N4BP1: variants seen among roughly 807,000 people sequenced by gnomAD.
N4BP1 encodes NEDD4-binding protein 1.
In N4BP1, 21 loss-of-function variants were observed where a neutral mutation model predicts 70.9. The ratio of observed to expected loss-of-function variants is 0.30; its 90% confidence interval spans 0.21 to 0.43. The LOEUF (loss-of-function observed/expected upper bound fraction) is 0.43. Among genes scored for constraint, N4BP1 ranks in the 20% least tolerant of loss-of-function variants. The probability of loss-of-function intolerance (pLI) is 1.00; values close to 1 mark genes in which losing one functional copy is unlikely to be tolerated. For synonymous variants in N4BP1, 387 were observed against 394.6 expected (o/e 0.98, Z 0.23); for missense variants, 936 against 1,069.4 (o/e 0.88, Z 1.74).
rs1421106117 is a variant in N4BP1 at position 48,561,330 on chromosome 16, A to G, written c.1313T>C (p.Met438Thr). 12 of 1,613,676 alleles carry G rather than the reference A, an allele frequency of 7.4e-6. No homozygotes were observed. Among genetic ancestry groups the G allele is most frequent in the African/African-American group, 1.3e-5 (1 of 74,916 alleles). The change falls in exon 2 of 7, where the codon ATG becomes ACG. Residue 438 changes from methionine (M) to threonine (T), a missense_variant. By Grantham distance (81) the Met-to-Thr change is moderately conservative. Around this residue, in one of 4 missense-constraint regions of N4BP1, gnomAD observed 515 missense variants for 491.7 expected, o/e 1.05. Transcript: ENST00000262384. ...TGGTAACTGAGAAAATTTTTCTACC[A>G]TATTTTGCTGTGTGTGAGCCTGTGT... is the stretch of plus-strand genomic sequence containing the variant. ...KKTQAHTQQN[M>T]VEKFSQLPFK...
chr16:48,542,771 T>G lies in N4BP1; in HGVS notation c.*133A>C, dbSNP rs1475406031. Reference sequence around the variant, plus strand: ...AAAACCCAGATTTATACCCAAAACATTTTTTTTCTGTACAACTGCGTTTAC... The same window carrying G: ...AAAACCCAGATTTATACCCAAAACAGTTTTTTTCTGTACAACTGCGTTTAC... On this transcript the variant is annotated 3_prime_UTR_variant, in exon 7 of 7. Transcript: ENST00000262384. 2.8e-5 allele frequency: 22 copies of G among 785,090 alleles called. No individual in the cohort carries two copies. Among genetic ancestry groups the G allele is most frequent in the Non-Finnish European group, 4.1e-5 (22 of 537,642 alleles). The allele number at this position is 785,090 out of a possible 1,614,324, so 48.6% of individuals were successfully genotyped here.
At chr16:48,565,280 T>C (rs972686019) in intron 1 of N4BP1, among the ~76,000 whole-genome samples, 2 of 152,348 alleles carry the variant, frequency 1.3e-5, no homozygotes, top group Admixed American at 6.5e-5. Context: ...TTAAGAATGA[T>C]GTAACAGGGA....
chr16:48,589,598 C>G (rs1027118943), intron 1 of N4BP1, among the ~76,000 whole-genome samples: 2 of 152,112 alleles, frequency 1.3e-5, no homozygotes, highest in Admixed American at 1.3e-4. Context: ...GTGTCTTGCC[C>G]AGAGTTCTCT....
intron 1 of N4BP1, among the ~76,000 whole-genome samples, chr16:48,606,593 A>G (rs1487921003): frequency 1.3e-5 from 2 of 152,190 alleles, no homozygotes; most frequent in Non-Finnish European, 2.9e-5. Flanking sequence ...CCCTTTAACA[A>G]AAGTGGTCAC....
intron 1 of N4BP1, among the ~76,000 whole-genome samples, chr16:48,590,490 C>T (rs1202901268): frequency 6.6e-6 from 1 of 152,160 alleles, no homozygotes; most frequent in Non-Finnish European, 1.5e-5. Flanking sequence ...TGGTTGGTTA[C>T]AAATTTGGAG....
In N4BP1 at chr16:48,599,814, T is replaced by G. The variant is rs542849221; in HGVS notation, c.198+9961A>C. Among the ~76,000 whole-genome samples the G allele has an allele frequency of 3.4e-4, 52 of 152,344 alleles. 1 individual carries two copies. The South Asian group carries it at 0.01, about 30-fold the overall frequency. On this transcript the variant is annotated intron_variant, in intron 1 of 6. Coordinates refer to ENST00000262384, the MANE Select transcript of N4BP1 (RefSeq NM_153029.4). ...GGGTTTTCTGGAAAACTGTTACCTCTTCTTCCATCCTTCCTTCTTAAAGGC... is the reference window on the plus strand; with the variant it reads ...GGGTTTTCTGGAAAACTGTTACCTCGTCTTCCATCCTTCCTTCTTAAAGGC...
At chr16:48,554,950 A>T (rs1963728726) in intron 2 of N4BP1, among the ~76,000 whole-genome samples, 3 of 152,190 alleles carry the variant, frequency 2.0e-5, no homozygotes, top group Admixed American at 2.0e-4. Context: ...GTCAGAAAGG[A>T]TCTGGCCAAG....
chr16:48,605,223 G>A (rs1314975344), intron 1 of N4BP1, among the ~76,000 whole-genome samples: 1 of 152,030 alleles, frequency 6.6e-6, no homozygotes, highest in Non-Finnish European at 1.5e-5. Context: ...GTAGAGACAG[G>A]GTTTCTCCAT....
chr16:48,604,223 G>A (rs1271645976), intron 1 of N4BP1, among the ~76,000 whole-genome samples: 1 of 152,192 alleles, frequency 6.6e-6, no homozygotes, highest in Non-Finnish European at 1.5e-5. Context: ...TGTACTGTAC[G>A]CCACTGGGGC....
At chr16:48,603,795 C>T (rs1310116461) in intron 1 of N4BP1, 1 of 152,186 alleles carries the variant, frequency 6.6e-6, no homozygotes, top group Non-Finnish European at 1.5e-5. Context: ...TGTACATGAC[C>T]CCCTGGGTTT....
intron 1 of N4BP1, among the ~76,000 whole-genome samples, chr16:48,584,696 G>GCCCAGGAGTTCTGAGTCCAGCTAATAA (rs1964218370): frequency 1.3e-5 from 2 of 151,822 alleles, no homozygotes; most frequent in African/African-American, 4.8e-5. Flanking sequence ...GATCATTTGA[G>GCCCAGGAGTTCTGAGTCCAGCTAATAA]CCCAGGAGTT....
intron 1 of N4BP1, among the ~76,000 whole-genome samples, chr16:48,591,632 G>GTT (rs34007822): frequency 3.6e-5 from 5 of 136,988 alleles, no homozygotes; most frequent in East Asian, 4.2e-4. Context: ...AAAGGCCTTG[G>GTT]TTTTTTTTTT....
At chr16:48,576,273 C>T (rs1383953742) in intron 1 of N4BP1, among the ~76,000 whole-genome samples, 3 of 152,106 alleles carry the variant, frequency 2.0e-5, no homozygotes, top group African/African-American at 7.2e-5. Context: ...ATTAATAATG[C>T]CTTTATTAGC....
At chr16:48,570,950 C>T (rs1308470801) in intron 1 of N4BP1, among the ~76,000 whole-genome samples, 1 of 152,146 alleles carries the variant, frequency 6.6e-6, no homozygotes, top group Non-Finnish European at 1.5e-5. Flanking sequence ...TGCCACCTCA[C>T]GTGGCTAATT....
chr16:48,602,431 A>G (rs1964515947), intron 1 of N4BP1, among the ~76,000 whole-genome samples: 1 of 152,214 alleles, frequency 6.6e-6, no homozygotes, highest in African/African-American at 2.4e-5. Context: ...CAATCCTACA[A>G]TACTGGCTGG....
chr16:48,601,829 G>A (rs972471180), intron 1 of N4BP1, among the ~76,000 whole-genome samples: 1 of 152,178 alleles, frequency 6.6e-6, no homozygotes, highest in Non-Finnish European at 1.5e-5. Context: ...TAATGCCTCA[G>A]CCTCCTAAGT....
chr16:48,569,725 T>C (rs891056147), intron 1 of N4BP1, among the ~76,000 whole-genome samples: 2 of 152,198 alleles, frequency 1.3e-5, no homozygotes, highest in Admixed American at 1.3e-4. Context: ...CCCACATGTA[T>C]GCCACTGTGT....
chr16:48,560,530 C>T (rs911289656), intron 2 of N4BP1: 2 of 505,056 alleles, frequency 4.0e-6, no homozygotes, highest in African/African-American at 2.0e-5. Context: ...CCTCTCTTGC[C>T]CTTAGAAATT....
intron 1 of N4BP1, among the ~76,000 whole-genome samples, chr16:48,586,918 T>C (rs369871543): frequency 7.2e-5 from 11 of 152,172 alleles, no homozygotes; most frequent in South Asian, 4.1e-4. Context: ...TGGAAGGCCT[T>C]AGCGCCTTGT....
Sources: allele counts gnomAD v4.1 joint callset (sites outside exome capture counted in the v4.1 genomes callset), GRCh38; gene constraint gnomAD v4.1.1; regional missense constraint gnomAD v4.1.1; transcripts MANE v1.5; gene names NCBI Gene and HGNC (gene_info 2026-07-23, HGNC 2026-07-21).